ABI3BP: variants seen among roughly 807,000 people sequenced by gnomAD.
ABI3BP encodes ABI family member 3 binding protein.
ABI3BP carries 216 observed loss-of-function variants against 268.6 expected under a neutral mutation model. The observed-to-expected ratio is 0.80, with a 90% confidence interval of 0.72 to 0.90. The LOEUF (loss-of-function observed/expected upper bound fraction) is 0.90. Ranked by LOEUF, ABI3BP falls within the 40% of genes least tolerant of loss-of-function variation. The pLI, the probability that ABI3BP is intolerant of heterozygous loss-of-function variation, is 0.00. For missense variants in ABI3BP, 2,090 were observed against 2,182.4 expected (o/e 0.96, Z 0.84); for synonymous variants, 730 against 730.0 (o/e 1.00, Z 0.00).
chr3:100,856,626 T>C (rs1580717693), intron 14 of ABI3BP, among the ~76,000 whole-genome samples: 1 of 152,182 alleles, frequency 6.6e-6, no homozygotes, highest in African/African-American at 2.4e-5. Context: ...ACACTTCAAA[T>C]TAATGGGTTT....
chr3:100,864,553 C>G (rs1384637867), intron 11 of ABI3BP: 10 of 385,470 alleles, frequency 2.6e-5, no homozygotes, highest in Non-Finnish European at 4.2e-5. Context: ...GGCTGGTATT[C>G]TGTCTGTATA....
intron 27 of ABI3BP, among the ~76,000 whole-genome samples, chr3:100,835,905 A>G (rs1350122205): frequency 6.6e-6 from 1 of 152,186 alleles, no homozygotes; most frequent in East Asian, 1.9e-4. Context: ...TCTGATTCCA[A>G]CAACATAAAA....
chr3:100,760,696 A>G (rs1366663462), intron 63 of ABI3BP, among the ~76,000 whole-genome samples: 1 of 152,186 alleles, frequency 6.6e-6, no homozygotes, highest in Admixed American at 6.5e-5. Context: ...TGTAAGACTT[A>G]TTAAGGCATA....
rs752623182 is a variant in ABI3BP at position 100,876,521 on chromosome 3, T to A, written c.736A>T (p.Ile246Phe). The change falls in exon 7 of 68, where the codon ATC (isoleucine) becomes TTC (phenylalanine). Residue 246 changes from isoleucine (I) to phenylalanine (F), a missense_variant. Coordinates refer to ENST00000471714, the MANE Select transcript of ABI3BP (RefSeq NM_001375547.2). ...VPRKLIPITIIKQVIQNVTHK... is the reference protein window; with the variant it reads ...VPRKLIPITIFKQVIQNVTHK... ...AGAGCAGACAAATTACCTTGCTTGA[T>A]GATTGTTATTGGGATTAGTTTCCTT... The A allele has an allele frequency of 2.2e-5, 36 of 1,612,998 alleles. No homozygotes were observed. In the South Asian group the frequency reaches 3.4e-4, roughly 15 times the overall value.
chr3:100,756,187 A>G (rs1208131892), intron 63 of ABI3BP, among the ~76,000 whole-genome samples: 4 of 152,208 alleles, frequency 2.6e-5, no homozygotes, highest in Non-Finnish European at 5.9e-5. Flanking sequence ...GCTGAGAGCA[A>G]TGAGGCTCAA....
At chr3:100,909,254 TA>T (rs1390708631) in intron 2 of ABI3BP, among the ~76,000 whole-genome samples, 1 of 151,982 alleles carries the variant, frequency 6.6e-6, no homozygotes, top group Non-Finnish European at 1.5e-5. Flanking sequence ...ATACAAAAAT[TA>T]ACTCAAGATG....
At chr3:100,840,040 T>G (rs1217062959) in intron 23 of ABI3BP, 32 bp downstream of exon 23, 1 of 1,512,548 alleles carries the variant, frequency 6.6e-7, no homozygotes, top group African/African-American at 1.4e-5. Context: ...TTCCACTTTC[T>G]ATGTTAATTG....
chr3:100,765,804 C>T, intron 63 of ABI3BP, 37 bp downstream of exon 63: 2 of 1,451,234 alleles, frequency 1.4e-6, no homozygotes, highest in Non-Finnish European at 1.9e-6. Context: ...AACTTTTGCA[C>T]TCTCAGAATT....
chr3:100,814,041 T>C (rs189198652), intron 44 of ABI3BP, among the ~76,000 whole-genome samples: 46 of 152,270 alleles, frequency 3.0e-4, no homozygotes, highest in African/African-American at 8.9e-4. Context: ...AGCCATAGAA[T>C]GAACTAAAAT....
In ABI3BP at chr3:100,832,475, T is replaced by C. The variant is rs2098509886; in HGVS notation, c.2315-125A>G. On this transcript the variant is annotated intron_variant, in intron 30 of 67. Coordinates refer to ENST00000471714, the MANE Select transcript of ABI3BP (RefSeq NM_001375547.2). ...AGTTGACAGAACTTTGTCATTTTCG[T>C]TTGAAATTTTCTCCTTCAGTATCTT... The C allele has an allele frequency of 7.4e-6, 7 of 940,856 alleles. No homozygotes were observed. In the East Asian group the frequency reaches 8.0e-5, roughly 11 times the overall value. 58.3% of individuals were successfully genotyped at this position (940,856 alleles called of 1,614,324 possible).
intron 9 of ABI3BP, among the ~76,000 whole-genome samples, chr3:100,869,330 GTTTTTTTTTTTTTTTTT>G (rs144604645): frequency 1.6e-4 from 8 of 49,754 alleles, no homozygotes; most frequent in Non-Finnish European, 2.4e-4. Flanking sequence ...CTTCTTTTTG[GTTTTTTTTTTTTTTTTT>G]TTTTTTTTTG....
At chr3:100,928,343 A>G (rs775638773) in intron 1 of ABI3BP, among the ~76,000 whole-genome samples, 1 of 152,104 alleles carries the variant, frequency 6.6e-6, no homozygotes, top group Non-Finnish European at 1.5e-5. Context: ...CATTAATCAA[A>G]GACTTAGATT....
At chr3:100,798,470 C>T (rs2097423095) in intron 51 of ABI3BP, among the ~76,000 whole-genome samples, 1 of 152,034 alleles carries the variant, frequency 6.6e-6, no homozygotes, top group African/African-American at 2.4e-5. Context: ...CTAAAACGTA[C>T]ATCTTTCATG....
At chr3:100,849,884 C>T (rs1347645485) in intron 17 of ABI3BP, among the ~76,000 whole-genome samples, 161 bp downstream of exon 17, 2 of 152,040 alleles carry the variant, frequency 1.3e-5, no homozygotes, top group African/African-American at 4.8e-5. Flanking sequence ...AATCATAAGG[C>T]TAAGTAGTCA....
rs1180987017 is a variant in ABI3BP, at chr3:100,833,276, A to C, written c.2282-119T>G. ...ATTATAGCGTTGGTTCTATAGCCAC[A>C]AAGCAAACATTTTGAAGTTCTCAAG... On this transcript the variant is annotated intron_variant, in intron 29 of 67. Coordinates refer to ENST00000471714, the MANE Select transcript of ABI3BP (RefSeq NM_001375547.2). 3 of 887,072 alleles carry C rather than the reference A, an allele frequency of 3.4e-6. No homozygotes were observed. The Admixed American group carries it at 7.8e-5, about 23-fold the overall frequency. The allele number at this position is 887,072 out of a possible 1,614,324, so 55.0% of individuals were successfully genotyped here.
Position 100,811,685 on chromosome 3 carries a change from A to C in ABI3BP, c.3493+43T>G, listed in dbSNP as rs761358555. On this transcript the variant is annotated intron_variant, in intron 47 of 67. Coordinates refer to ENST00000471714, the MANE Select transcript of ABI3BP (RefSeq NM_001375547.2). ...GTGGATGTAACTGATGTTAATTTAA[A>C]ATGTGTGGAATAAATGAATCAAAGC... 1.1e-5 allele frequency: 17 copies of C among 1,504,850 alleles called. 1 individual carries two copies. In the South Asian group the frequency reaches 2.0e-4, roughly 18 times the overall value. The allele number at this position is 1,504,850 out of a possible 1,614,324, so 93.2% of individuals were successfully genotyped here. A position where few individuals can be genotyped will look rare whatever the true frequency, so the allele number is the denominator to read the frequency against.
At chr3:100,802,021 G>T (rs2097549386) in intron 51 of ABI3BP, among the ~76,000 whole-genome samples, 1 of 152,130 alleles carries the variant, frequency 6.6e-6, no homozygotes, top group Non-Finnish European at 1.5e-5. Flanking sequence ...ATATTTTAAA[G>T]TATGTAATCC....
At chr3:100,988,911 A>T (rs1013412960) in intron 1 of ABI3BP, among the ~76,000 whole-genome samples, 1 of 152,226 alleles carries the variant, frequency 6.6e-6, no homozygotes, top group Non-Finnish European at 1.5e-5. Flanking sequence ...AATTACTTAA[A>T]CACTCTGAGG....
At chr3:100,868,225 A>AT (rs1327503375) in intron 9 of ABI3BP, among the ~76,000 whole-genome samples, 5 of 152,244 alleles carry the variant, frequency 3.3e-5, no homozygotes, top group East Asian at 1.9e-4. Flanking sequence ...AGGCTAGATT[A>AT]TTTTTTTGTA....
Sources: allele counts gnomAD v4.1 joint callset (sites outside exome capture counted in the v4.1 genomes callset), GRCh38; gene constraint gnomAD v4.1.1; transcripts MANE v1.5; gene names NCBI Gene and HGNC (gene_info 2026-07-23, HGNC 2026-07-21).